Variants in VPS13C observed in about 807,000 individuals in gnomAD.
VPS13C encodes the protein intermembrane lipid transfer protein VPS13C.
A neutral mutation model predicts 456.8 loss-of-function variants in VPS13C; 358 were observed. The observed-to-expected ratio is 0.78, with a 90% confidence interval of 0.72 to 0.86. VPS13C has a LOEUF of 0.86. VPS13C is among the 40% of genes least tolerant of loss of function. The pLI is 0.00. For synonymous variants in VPS13C, 1,578 were observed against 1,486.7 expected, an observed-to-expected ratio of 1.06 and a Z score of -1.41; for missense variants, 4,818 against 4,385.4, an observed-to-expected ratio of 1.10 and a Z score of -2.79.
At chr15:61,988,823 C>A (rs1457324123) in intron 18 of VPS13C, among the ~76,000 whole-genome samples, 1 of 152,130 alleles carries the variant, frequency 6.6e-6, no homozygotes, top group African/African-American at 2.4e-5. Flanking sequence ...GTGGCAAAGG[C>A]AACCGGTGCT....
chr15:62,016,348 T>A (rs1164977788), intron 9 of VPS13C, among the ~76,000 whole-genome samples: 1 of 151,940 alleles, frequency 6.6e-6, no homozygotes, highest in South Asian at 2.1e-4. Flanking sequence ...TGTATACATG[T>A]GCCATGCTGG....
intron 26 of VPS13C, among the ~76,000 whole-genome samples, chr15:61,973,035 T>C (rs571008467): frequency 6.6e-6 from 1 of 152,298 alleles, no homozygotes; most frequent in East Asian, 1.9e-4. Flanking sequence ...AAAATATTTA[T>C]TGGGCATTAT....
chr15:61,931,285 A>G (rs770717967), intron 49 of VPS13C, 26 bp from the exon 50 acceptor site: 7 of 1,591,192 alleles, frequency 4.4e-6, no homozygotes, highest in Non-Finnish European at 6.0e-6. Flanking sequence ...CAAGCAAAAG[A>G]ATCAATTACC....
chr15:61,919,840 T>C (rs1249025942), intron 57 of VPS13C, among the ~76,000 whole-genome samples: 2 of 148,150 alleles, frequency 1.3e-5, no homozygotes, highest in African/African-American at 4.9e-5. Context: ...ATATAATATA[T>C]ACATTATTTA....
At position 61,973,574 on chromosome 15, in the gene VPS13C, A is replaced by T. The variant is rs377220872; in HGVS notation, c.2539-42T>A. 2.0e-6 allele frequency: 3 copies of T among 1,464,482 alleles called. No individual in the cohort carries two copies. The South Asian group carries it at 3.4e-5, about 17-fold the overall frequency. The allele number at this position is 1,464,482 out of a possible 1,614,324, so 90.7% of individuals were successfully genotyped here. On this transcript the variant is annotated intron_variant, in intron 25 of 84. Coordinates refer to ENST00000644861, the MANE Select transcript of VPS13C (RefSeq NM_020821.3). The stretch of plus-strand genomic sequence containing the variant: ...AAAGTTTTCTTAAAAAGGATGACTT[A>T]GCAGGATTAAATGTCATAAATGAGA...
chr15:61,927,046 T>A (rs150162293), intron 52 of VPS13C, 45 bp downstream of exon 52: 4 of 1,529,904 alleles, frequency 2.6e-6, no homozygotes, highest in African/African-American at 2.7e-5. Flanking sequence ...ATCAACTGTT[T>A]CTGCCATTCT....
intron 9 of VPS13C, among the ~76,000 whole-genome samples, chr15:62,019,417 T>A (rs1415535981): frequency 2.6e-5 from 4 of 152,184 alleles, no homozygotes; most frequent in Non-Finnish European, 5.9e-5. Flanking sequence ...CTTTCTCTTG[T>A]GGGCATTTAG....
chr15:61,979,502 T>C (rs2045808296), intron 22 of VPS13C, among the ~76,000 whole-genome samples: 1 of 152,168 alleles, frequency 6.6e-6, no homozygotes, highest in East Asian at 1.9e-4. Flanking sequence ...TAATGCTTTA[T>C]GAAAAATGTA....
At chr15:62,040,181 G>A (rs1377281075) in intron 3 of VPS13C, among the ~76,000 whole-genome samples, 1 of 152,136 alleles carries the variant, frequency 6.6e-6, no homozygotes, top group East Asian at 1.9e-4. Context: ...CATGGAGACA[G>A]AGAGTAGAAC....
In VPS13C at chr15:61,868,747, G is replaced by T. The variant is rs981892182; in HGVS notation, c.10775C>A (p.Ser3592Tyr). Residue 3592 changes from serine to tyrosine, a missense_variant, in exon 81 of 85, where the codon TCT (serine) becomes TAT (tyrosine). Physicochemically the swap from Ser to Tyr is moderately radical, Grantham distance 144. This residue lies in a region of VPS13C where 261 missense variants were observed against 234.1 expected (regional missense o/e 1.11). Transcript: ENST00000644861. ...QRAAESTEEV[S>Y]SLRPPRLIHE... Reference sequence around the variant, plus strand: ...GATCAGGCGAGGGGGACGGAGGCTAGATACTTCCTCAGTTGATTCTGCTGC... The same window carrying T: ...GATCAGGCGAGGGGGACGGAGGCTATATACTTCCTCAGTTGATTCTGCTGC... 6.2e-7 allele frequency: 1 copy of T among 1,613,968 alleles called. No homozygotes were observed. The highest frequency in any genetic ancestry group is 1.3e-5 in the African/African-American group (1 of 74,940).
chr15:61,911,852 A>G lies in VPS13C; in HGVS notation c.8703T>C (p.Ile2901=). ...AGAAAAATGCTACCTCTGAAGAAGC[A>G]ATATAGTTCCATTTATTAGTTGGCA... ...GSMPTNKWNY[I]ASSECLPFWP... The change falls in exon 63 of 85, where the codon ATT becomes ATC. Residue 2901 remains isoleucine, a synonymous_variant. Transcript: ENST00000644861. The G allele has an allele frequency of 6.2e-7, 1 of 1,602,438 alleles. No homozygotes were observed. Among genetic ancestry groups the G allele is most frequent in the Non-Finnish European group, 8.5e-7 (1 of 1,174,804 alleles).
rs1893785518 is a variant in VPS13C, at chr15:61,854,196, T to C, written c.*261A>G. The stretch of plus-strand genomic sequence containing the variant: ...ATTTTAATATTAATGAAAATTTCAT[T>C]CTGAGTTTGAAGTGACGTTTCTTCA... On this transcript the variant is annotated 3_prime_UTR_variant, in exon 85 of 85. Coordinates refer to ENST00000644861, the MANE Select transcript of VPS13C (RefSeq NM_020821.3). 4.2e-6 allele frequency: 2 copies of C among 481,062 alleles called. No individual in the cohort carries two copies. The highest frequency in any genetic ancestry group is 1.9e-5 in the African/African-American group (1 of 52,594). 29.8% of individuals were successfully genotyped at this position (481,062 alleles called of 1,614,324 possible).
chr15:61,896,986 G>A (rs1478270060), intron 66 of VPS13C, among the ~76,000 whole-genome samples: 2 of 152,206 alleles, frequency 1.3e-5, no homozygotes, highest in African/African-American at 4.8e-5. Context: ...CCCCCAACAG[G>A]GGCACAGTGA....
intron 12 of VPS13C, 26 bp downstream of exon 12, chr15:62,012,081 T>C (rs1335655367): frequency 4.6e-6 from 6 of 1,309,592 alleles, no homozygotes; most frequent in Non-Finnish European, 6.5e-6. Context: ...TCCTATAACA[T>C]GAAATAAACT....
chr15:61,977,867 C>G (rs1596410856), intron 23 of VPS13C, among the ~76,000 whole-genome samples: 1 of 151,898 alleles, frequency 6.6e-6, no homozygotes, highest in Admixed American at 6.6e-5. Flanking sequence ...TTAACAGGCT[C>G]TTAATATATG....
At chr15:61,962,563 C>G in intron 33 of VPS13C, 25 bp from the exon 34 acceptor site, 1 of 1,596,646 alleles carries the variant, frequency 6.3e-7, no homozygotes, top group Non-Finnish European at 8.5e-7. Context: ...CTTGAATGTA[C>G]TCTATCCGGG....
intron 74 of VPS13C, 82 bp from the exon 75 acceptor site, chr15:61,877,136 T>A: frequency 9.7e-7 from 1 of 1,030,194 alleles, no homozygotes; most frequent in Non-Finnish European, 1.4e-6. Context: ...TGACAGCTAA[T>A]GCTAATCATA....
At chr15:61,985,667 C>T (rs1051438654) in intron 18 of VPS13C, among the ~76,000 whole-genome samples, 2 of 152,290 alleles carry the variant, frequency 1.3e-5, no homozygotes, top group African/African-American at 4.8e-5. Context: ...CAGAATAAAC[C>T]TGTGGCTGAA....
intron 48 of VPS13C, among the ~76,000 whole-genome samples, 168 bp downstream of exon 48, chr15:61,936,429 T>C (rs908644347): frequency 9.9e-5 from 15 of 152,176 alleles, no homozygotes; most frequent in Non-Finnish European, 5.9e-5. Flanking sequence ...CTTCCCCCTG[T>C]AGCAGAGAAC....
Sources: gnomAD v4.1 joint callset for allele counts (sites outside exome capture counted in the v4.1 genomes callset) on GRCh38, gnomAD v4.1.1 for gene constraint, gnomAD v4.1.1 regional missense constraint, MANE v1.5 for transcripts, NCBI Gene and HGNC (gene_info 2026-07-23, HGNC 2026-07-21) for gene names.